The following PRIM2 variants were observed in gnomAD, a reference collection of about 807,000 sequenced individuals.
The protein encoded by PRIM2 is DNA primase subunit 2.
In PRIM2, 39 loss-of-function variants were observed where a neutral mutation model predicts 67.3. The ratio of observed to expected loss-of-function variants is 0.58; its 90% CI spans 0.45 to 0.76. The LOEUF is 0.76. PRIM2 is among the 30% of genes least tolerant of loss of function. The pLI, the probability that PRIM2 is intolerant of heterozygous loss-of-function variation, is 0.00. For synonymous variants in PRIM2, 143 were observed against 198.7 expected, an observed-to-expected ratio of 0.72 and a Z score of 2.36; for missense variants, 398 against 598.7, an observed-to-expected ratio of 0.66 and a Z score of 3.50.
chr6:57,571,988 C>T (rs1307041796), intron 10 of PRIM2, among the ~76,000 whole-genome samples: 1 of 152,154 alleles, frequency 6.6e-6, no homozygotes, highest in Non-Finnish European at 1.5e-5. Context: ...TAAATACTTA[C>T]CATCTTACTT....
chr6:57,517,928 A>G, intron 8 of PRIM2, among the ~76,000 whole-genome samples: 1 of 152,190 alleles, frequency 6.6e-6, no homozygotes, highest in Non-Finnish European at 1.5e-5. Context: ...AACTGATGCC[A>G]CAAGGGGTCT....
chr6:57,401,243 C>A (rs920457032), intron 7 of PRIM2, among the ~76,000 whole-genome samples: 1 of 152,098 alleles, frequency 6.6e-6, no homozygotes, highest in African/African-American at 2.4e-5. Flanking sequence ...TTACTTTAAC[C>A]TCAGTGTAGA....
At chr6:57,285,768 G>T in the PRIM2 span, among the ~76,000 whole-genome samples, 14 of 152,140 alleles carry the variant, frequency 9.2e-5, no homozygotes, top group Non-Finnish European at 1.9e-4. Context: ...AGAGCAATCA[G>T]GCAAGAGAAA....
the PRIM2 span, among the ~76,000 whole-genome samples, chr6:57,247,633 G>A: frequency 1.3e-5 from 2 of 152,282 alleles, no homozygotes; most frequent in African/African-American, 2.4e-5. Flanking sequence ...CTATGTGGTT[G>A]CTCTGTGTGA....
At chr6:57,494,200 G>C (rs1178804625) in intron 7 of PRIM2, among the ~76,000 whole-genome samples, 2 of 152,164 alleles carry the variant, frequency 1.3e-5, no homozygotes, top group African/African-American at 4.8e-5. Context: ...CAGTGGTCTA[G>C]AATCTACATC....
intron 7 of PRIM2, among the ~76,000 whole-genome samples, chr6:57,426,255 C>T (rs74465340): frequency 2.0e-5 from 3 of 152,146 alleles, no homozygotes; most frequent in Non-Finnish European, 2.9e-5. Flanking sequence ...TCAAACTCTC[C>T]GTCCCAAGCA....
At chr6:57,602,853 AT>A (rs1776494650) in intron 11 of PRIM2, among the ~76,000 whole-genome samples, 1 of 152,178 alleles carries the variant, frequency 6.6e-6, no homozygotes, top group Non-Finnish European at 1.5e-5. Context: ...AATAAACTTA[AT>A]TTTTTAGAGT....
chr6:57,626,276 G>T (rs1776948080), intron 12 of PRIM2, among the ~76,000 whole-genome samples: 1 of 152,210 alleles, frequency 6.6e-6, no homozygotes, highest in Non-Finnish European at 1.5e-5. Flanking sequence ...AAGAGTATTA[G>T]CAAGAGGGAG....
chr6:57,335,266 G>T (rs1768191950), intron 5 of PRIM2, among the ~76,000 whole-genome samples: 1 of 152,260 alleles, frequency 6.6e-6, no homozygotes, highest in Admixed American at 6.5e-5. Context: ...AAACTGCAAG[G>T]CAGCAGCGAG....
intron 8 of PRIM2, among the ~76,000 whole-genome samples, chr6:57,512,046 T>G (rs1207667994): frequency 6.6e-6 from 1 of 152,068 alleles, no homozygotes; most frequent in Non-Finnish European, 1.5e-5. Flanking sequence ...TTAAATGACT[T>G]GTGATGGGCA....
the PRIM2 span, among the ~76,000 whole-genome samples, chr6:57,290,256 G>A: frequency 6.6e-6 from 1 of 152,064 alleles, no homozygotes; most frequent in Non-Finnish European, 1.5e-5. Context: ...AAGAGACAAA[G>A]AAGGCCATTA....
At chr6:57,562,365 A>C (rs1775650215) in intron 10 of PRIM2, among the ~76,000 whole-genome samples, 1 of 152,208 alleles carries the variant, frequency 6.6e-6, no homozygotes, top group Non-Finnish European at 1.5e-5. Context: ...AAGCACAATG[A>C]AATGGGCACA....
chr6:57,441,156 C>T (rs889971903), intron 7 of PRIM2, among the ~76,000 whole-genome samples: 8 of 152,180 alleles, frequency 5.3e-5, no homozygotes, highest in Non-Finnish European at 1.0e-4. Context: ...ATAGGTTGTT[C>T]ACAACTCTGT....
At chr6:57,297,163 C>T in the PRIM2 span, among the ~76,000 whole-genome samples, 7 of 152,158 alleles carry the variant, frequency 4.6e-5, no homozygotes, top group African/African-American at 1.7e-4. Flanking sequence ...AGAAAAATAT[C>T]GAGTGCAGTG....
intron 7 of PRIM2, among the ~76,000 whole-genome samples, chr6:57,453,693 C>T (rs1364489484): frequency 5.3e-5 from 8 of 152,248 alleles, no homozygotes; most frequent in African/African-American, 1.9e-4. Flanking sequence ...TGGGCTGAGA[C>T]AATGGGGTTT....
Position 57,425,281 on chromosome 6 carries a change from A to G in PRIM2, c.693+43113A>G, listed in dbSNP as rs191599860. Among the ~76,000 whole-genome samples, 450 of 152,322 alleles carry G rather than the reference A, an allele frequency of 3.0e-3. 3 individuals carry two copies. The highest frequency in any genetic ancestry group is 0.01 in the African/African-American group (423 of 41,574). On this transcript the variant is annotated intron_variant, in intron 7 of 13. Coordinates refer to ENST00000615550, the MANE Select transcript of PRIM2 (RefSeq NM_000947.5). ...GAGAGGGAGTCTCGCTCTGTCGCCCAGGCTGGAGTGCAGTGGCGCGATCTT... is the reference window on the plus strand; with the variant it reads ...GAGAGGGAGTCTCGCTCTGTCGCCCGGGCTGGAGTGCAGTGGCGCGATCTT...
intron 10 of PRIM2, among the ~76,000 whole-genome samples, chr6:57,594,914 T>G (rs1776339646): frequency 1.3e-5 from 2 of 152,194 alleles, no homozygotes; most frequent in African/African-American, 4.8e-5. Context: ...ATTATTCAAT[T>G]ATGGAATAAT....
intron 12 of PRIM2, among the ~76,000 whole-genome samples, chr6:57,630,333 C>G (rs1777019798): frequency 6.6e-6 from 1 of 151,974 alleles, no homozygotes; most frequent in African/African-American, 2.4e-5. Context: ...AGGAAGAGCC[C>G]TCTCTGCGAG....
chr6:57,231,863 A>AC, the PRIM2 span, among the ~76,000 whole-genome samples: 32 of 151,164 alleles, frequency 2.1e-4, no homozygotes, highest in African/African-American at 5.8e-4. Flanking sequence ...GGAAAAAAAA[A>AC]AAACCACTAG....
Sources: gnomAD v4.1 joint callset for allele counts (sites outside exome capture counted in the v4.1 genomes callset) on GRCh38, gnomAD v4.1.1 for gene constraint, MANE v1.5 for transcripts, NCBI Gene and HGNC (gene_info 2026-07-23, HGNC 2026-07-21) for gene names.